The following KBTBD11 variants were observed in gnomAD, a reference collection of about 807,000 sequenced individuals.
The protein encoded by KBTBD11 is kelch repeat and BTB domain-containing protein 11.
For synonymous variants in KBTBD11, 747 were observed against 499.0 expected (o/e 1.50, Z -6.63); for missense variants, 1,390 against 1,001.8 (o/e 1.39, Z -5.23).
chr8:1,989,667 C>T (rs1056324586), intron 1 of KBTBD11, among the ~76,000 whole-genome samples: 4 of 152,220 alleles, frequency 2.6e-5, no homozygotes, highest in Non-Finnish European at 4.4e-5. Context: ...CCTCTCTGCA[C>T]GACGCATCGC....
At chr8:1,974,826 C>G (rs1288320768) in intron 1 of KBTBD11, 1 of 373,672 alleles carries the variant, frequency 2.7e-6, no homozygotes, top group African/African-American at 2.2e-5. Context: ...ACTCCAGTGT[C>G]TATTCTAAGG....
chr8:1,990,713 C>A (rs1258050249), intron 1 of KBTBD11, among the ~76,000 whole-genome samples: 2 of 47,620 alleles, frequency 4.2e-5, no homozygotes, highest in Non-Finnish European at 9.4e-5. Context: ...GCTGCGGGGC[C>A]TTGGCGCCCT....
intron 1 of KBTBD11, among the ~76,000 whole-genome samples, chr8:1,984,403 C>T (rs923422512): frequency 1.3e-5 from 2 of 151,264 alleles, no homozygotes; most frequent in Non-Finnish European, 2.9e-5. Flanking sequence ...GTTCTCCTGC[C>T]TCAGCCTCCC....
At chr8:1,992,079 C>A (rs1279984546) in intron 1 of KBTBD11, among the ~76,000 whole-genome samples, 4 of 152,094 alleles carry the variant, frequency 2.6e-5, no homozygotes, top group Non-Finnish European at 5.9e-5. Flanking sequence ...GGTCCCTGAG[C>A]AGCACCTGTT....
rs903099662 is a variant in KBTBD11 at position 2,001,581 on chromosome 8, C to T, written c.389C>T (p.Pro130Leu). The T allele has an allele frequency of 8.8e-5, 128 of 1,451,740 alleles. 1 individual carries two copies. In the African/African-American group the frequency reaches 1.8e-3, roughly 21 times the overall value. The allele number at this position is 1,451,740 out of a possible 1,614,324, so 89.9% of individuals were successfully genotyped here. A position where few individuals can be genotyped will look rare whatever the true frequency, so the allele number is the denominator to read the frequency against. ...GAGCCCGGGGAGCCCGCGCCCGTAC[C>T]CCCGGGGTTCGGGGCGGTGTACGGG... ...PEEPGEPAPV[P>L]PGFGAVYGEP... The change falls in exon 2 of 2, where the codon CCC becomes CTC. Residue 130 changes from proline (P) to leucine (L), a missense_variant. Pro to Leu is a moderately conservative substitution (Grantham distance 98). Transcript: ENST00000320248.
At position 2,001,913 on chromosome 8, in the gene KBTBD11, A is replaced by G; in HGVS notation, c.721A>G (p.Ser241Gly). 6.9e-7 allele frequency: 1 copy of G among 1,453,528 alleles called. No individual in the cohort carries two copies. Among genetic ancestry groups the G allele is most frequent in the Non-Finnish European group, 9.1e-7 (1 of 1,097,840 alleles). The allele number at this position is 1,453,528 out of a possible 1,614,324, so 90.0% of individuals were successfully genotyped here. A position where few individuals can be genotyped will look rare whatever the true frequency, so the allele number is the denominator to read the frequency against. ...CCTGGCCAACTGCTACGAGGTCCTG[A>G]GCGCGGCCAAGCGGCAGCGGCTGAA... ...LSLANCYEVL[S>G]AAKRQRLNEL... Residue 241 changes from serine (S) to glycine (G), a missense_variant, in exon 2 of 2, where the codon AGC becomes GGC. By Grantham distance (56) the Ser-to-Gly change is moderately conservative. Transcript: ENST00000320248.
In KBTBD11 at chr8:2,004,310, T is replaced by C. The variant is rs1817506725; in HGVS notation, c.*1246T>C. ...TTGGGTCGTTTCTCATTTAACATTT[T>C]ACTTTTCAAGTGTGTATACAGAGGA... On this transcript the variant is annotated 3_prime_UTR_variant, in exon 2 of 2. Coordinates refer to ENST00000320248, the MANE Select transcript of KBTBD11 (RefSeq NM_014867.3). The C allele has an allele frequency of 6.0e-6, 1 of 166,886 alleles. No individual in the cohort carries two copies. The highest frequency in any genetic ancestry group is 1.5e-5 in the Non-Finnish European group (1 of 68,122). The allele number at this position is 166,886 out of a possible 1,614,324, so 10.3% of individuals were successfully genotyped here. A position where few individuals can be genotyped will look rare whatever the true frequency, so the allele number is the denominator to read the frequency against.
At chr8:1,999,105 A>C (rs1012002735) in intron 1 of KBTBD11, among the ~76,000 whole-genome samples, 1 of 152,250 alleles carries the variant, frequency 6.6e-6, no homozygotes, top group Non-Finnish European at 1.5e-5. Context: ...AATTCTATGC[A>C]CATAGGGAGT....
chr8:1,988,231 C>A (rs941239525), intron 1 of KBTBD11, among the ~76,000 whole-genome samples: 1 of 152,124 alleles, frequency 6.6e-6, no homozygotes, highest in Non-Finnish European at 1.5e-5. Context: ...ATTTATAGTC[C>A]TTTGGGCATA....
At position 2,004,020 on chromosome 8, in the gene KBTBD11, C is replaced by T. The variant is rs1817496875; in HGVS notation, c.*956C>T. 6.0e-6 allele frequency: 1 copy of T among 166,758 alleles called. No individual in the cohort carries two copies. Among genetic ancestry groups the T allele is most frequent in the African/African-American group, 2.4e-5 (1 of 41,428 alleles). 10.3% of individuals were successfully genotyped at this position (166,758 alleles called of 1,614,324 possible). A position where few individuals can be genotyped will look rare whatever the true frequency, so the allele number is the denominator to read the frequency against. On this transcript the variant is annotated 3_prime_UTR_variant, in exon 2 of 2. Coordinates refer to ENST00000320248, the MANE Select transcript of KBTBD11 (RefSeq NM_014867.3). Reference sequence around the variant, plus strand: ...ACAGTTCTATAAAAAAAAGTGTAGGCACATTTTAAACCCACTGTATATGAT... The same window carrying T: ...ACAGTTCTATAAAAAAAAGTGTAGGTACATTTTAAACCCACTGTATATGAT...
intron 1 of KBTBD11, among the ~76,000 whole-genome samples, chr8:1,985,754 C>G (rs1166110848): frequency 6.6e-6 from 1 of 152,238 alleles, no homozygotes; most frequent in Admixed American, 6.5e-5. Flanking sequence ...GATTGCACCC[C>G]TGCAACCCAG....
At chr8:1,986,362 A>C (rs1585732647) in intron 1 of KBTBD11, among the ~76,000 whole-genome samples, 1 of 152,228 alleles carries the variant, frequency 6.6e-6, no homozygotes, top group East Asian at 1.9e-4. Context: ...AAAAAGAAGT[A>C]GGAGACGGGT....
At chr8:1,987,722 G>A (rs957073479) in intron 1 of KBTBD11, among the ~76,000 whole-genome samples, 1 of 121,054 alleles carries the variant, frequency 8.3e-6, no homozygotes, top group South Asian at 2.4e-4. Context: ...ATCTTTTGGA[G>A]CCTTTATTAT....
rs1174358333 is a variant in KBTBD11 at position 2,000,642 on chromosome 8, C to T, written c.-551C>T. On this transcript the variant is annotated 5_prime_UTR_variant, in exon 2 of 2. Coordinates refer to ENST00000320248, the MANE Select transcript of KBTBD11 (RefSeq NM_014867.3). ...ACAGCCGGTCTCAGCTTTCTGTGTT[C>T]TGGGGGCGCGGTGATATGACAGCAT... 2 of 152,958 alleles carry T rather than the reference C, an allele frequency of 1.3e-5. No individual in the cohort carries two copies. The highest frequency in any genetic ancestry group is 4.8e-5 in the African/African-American group (2 of 41,462). 9.5% of individuals were successfully genotyped at this position (152,958 alleles called of 1,614,324 possible).
chr8:1,977,419 G>C (rs908537718), intron 1 of KBTBD11, among the ~76,000 whole-genome samples: 5 of 152,120 alleles, frequency 3.3e-5, no homozygotes, highest in Non-Finnish European at 5.9e-5. Flanking sequence ...CTTTGTCCTG[G>C]CCACCTCCAT....
In KBTBD11 at chr8:2,001,427, G is replaced by C. The variant is rs563459707; in HGVS notation, c.235G>C (p.Glu79Gln). ...CCCGCGGGTGGTGGAGCGGCAGTGG[G>C]AGGCCGGCAGCGCGGGCGCCGCGTC... ...GGPRVVERQW[E>Q]AGSAGAASPE... Residue 79 changes from glutamate to glutamine, a missense_variant, in exon 2 of 2, where the codon GAG (glutamate) becomes CAG (glutamine). Physicochemically the swap from Glu to Gln is conservative, Grantham distance 29 (BLOSUM62 2). Coordinates refer to ENST00000320248, the MANE Select transcript of KBTBD11 (RefSeq NM_014867.3). 17 of 1,367,606 alleles carry C rather than the reference G, an allele frequency of 1.2e-5. No homozygotes were observed. The highest frequency in any genetic ancestry group is 2.7e-4 in the Middle Eastern group (1 of 3,694). 84.7% of individuals were successfully genotyped at this position (1,367,606 alleles called of 1,614,324 possible).
rs143196969 is a variant in KBTBD11, at chr8:1,981,026, G to C, written c.-909+7091G>C. On this transcript the variant is annotated intron_variant, in intron 1 of 1. Transcript: ENST00000320248. ...TAGTAACAAGGGCAGTAGGATCTCA[G>C]CGTCTGGTTTCTAATTTTAGCGCCA... Among the ~76,000 whole-genome samples the C allele has an allele frequency of 3.5e-3, 528 of 152,338 alleles. 4 individuals carry two copies. Among genetic ancestry groups the C allele is most frequent in the South Asian group, 0.018 (86 of 4,830 alleles).
chr8:1,978,340 G>C (rs1816420895), intron 1 of KBTBD11, among the ~76,000 whole-genome samples: 1 of 152,240 alleles, frequency 6.6e-6, no homozygotes. Flanking sequence ...GTGCCACTCA[G>C]CACCAGATGC....
chr8:1,986,767 A>G (rs984536345), intron 1 of KBTBD11, among the ~76,000 whole-genome samples: 5 of 152,206 alleles, frequency 3.3e-5, no homozygotes, highest in African/African-American at 9.7e-5. Context: ...AAATTGTAAA[A>G]TATTTCAAAC....
Sources: gnomAD v4.1 joint callset for allele counts (sites outside exome capture counted in the v4.1 genomes callset) on GRCh38, gnomAD v4.1.1 for gene constraint, MANE v1.5 for transcripts, NCBI Gene and HGNC (gene_info 2026-07-23, HGNC 2026-07-21) for gene names.